STAT4: variants seen among roughly 807,000 people sequenced by gnomAD.
STAT4 encodes the protein signal transducer and activator of transcription 4.
In STAT4, 42 loss-of-function variants were observed where a neutral mutation model predicts 110.5. The observed-to-expected ratio is 0.38, with a 90% CI of 0.30 to 0.49. STAT4 has a LOEUF of 0.49. Among genes scored for constraint, STAT4 ranks in the 20% least tolerant of loss-of-function variants. STAT4 has a pLI of 0.95. For missense variants in STAT4, 632 were observed against 887.9 expected (o/e 0.71, Z 3.66); for synonymous variants, 284 against 302.2 (o/e 0.94, Z 0.63).
Position 191,061,869 on chromosome 2 carries a change from T to C in STAT4, c.942-48A>G, listed in dbSNP as rs750663813. On this transcript the variant is annotated intron_variant, in intron 9 of 23. Transcript: ENST00000392320. The surrounding 1 kb of genome is among the most constrained non-coding windows in gnomAD (Gnocchi z 6.2). ...GCATCATTTGAAAACACTGAAAATATTGAGACTGAAAACCACAGAGGAACA... is the reference window on the plus strand; with the variant it reads ...GCATCATTTGAAAACACTGAAAATACTGAGACTGAAAACCACAGAGGAACA... 3 of 1,564,036 alleles carry C rather than the reference T, an allele frequency of 1.9e-6. No individual in the cohort carries two copies. Among genetic ancestry groups the C allele is most frequent in the African/African-American group, 1.4e-5 (1 of 73,392 alleles).
rs1268299557 is a variant in STAT4 at position 191,147,177 on chromosome 2, G to A, written c.129-420C>T. ...TATATACCCAAAAGAATTAAAAGCA[G>A]GGACTCAAACAGATATTTGCATACC... On this transcript the variant is annotated intron_variant, in intron 2 of 23. Coordinates refer to ENST00000392320, the MANE Select transcript of STAT4 (RefSeq NM_003151.4). The surrounding 1 kb of genome is among the most constrained non-coding windows in gnomAD (Gnocchi z 4.1). Among the ~76,000 whole-genome samples, 1 of 152,098 alleles carries A rather than the reference G, an allele frequency of 6.6e-6. No individual in the cohort carries two copies. The highest frequency in any genetic ancestry group is 2.4e-5 in the African/African-American group (1 of 41,412).
chr2:191,081,174 T>C (rs1054820665), intron 3 of STAT4, among the ~76,000 whole-genome samples: 5 of 152,202 alleles, frequency 3.3e-5, no homozygotes, highest in African/African-American at 1.2e-4. Flanking sequence ...CATGAACTCA[T>C]CCTTTTTTAT....
chr2:191,120,391 C>T (rs558756961), intron 3 of STAT4, among the ~76,000 whole-genome samples: 9 of 152,004 alleles, frequency 5.9e-5, no homozygotes, highest in Non-Finnish European at 8.8e-5. Flanking sequence ...AGGCAACATA[C>T]GGAGACTCTG....
chr2:191,069,354 GATA>G (rs1305960135), intron 6 of STAT4, among the ~76,000 whole-genome samples: 2 of 151,936 alleles, frequency 1.3e-5, no homozygotes, highest in Non-Finnish European at 2.9e-5. Flanking sequence ...TTGTTTCTGT[GATA>G]ATTATATTTT....
intron 3 of STAT4, among the ~76,000 whole-genome samples, chr2:191,097,107 G>A (rs1011266042): frequency 2.0e-5 from 3 of 151,964 alleles, no homozygotes; most frequent in African/African-American, 4.8e-5. Context: ...ACCACTGCTC[G>A]ACGAAATAAA....
At position 191,140,608 on chromosome 2, in the gene STAT4, T is replaced by C. The variant is rs141446482; in HGVS notation, c.273+6005A>G. Among the ~76,000 whole-genome samples, 3 of 152,250 alleles carry C rather than the reference T, an allele frequency of 2.0e-5. No homozygotes were observed. The East Asian group carries it at 5.8e-4, about 29-fold the overall frequency. On this transcript the variant is annotated intron_variant, in intron 3 of 23. Transcript: ENST00000392320. The surrounding 1 kb of genome is among the most constrained non-coding windows in gnomAD (Gnocchi z 4.4). ...AAAAACCAATAGACGCTGGCATGGA[T>C]GTAGTGAAAAGGGAACACTGTTAGA...
rs989165680 is a variant in STAT4, at chr2:191,150,006, A to G, written c.-2+941T>C. On this transcript the variant is annotated intron_variant, in intron 1 of 23. Transcript: ENST00000392320. The surrounding 1 kb of genome is among the most constrained non-coding windows in gnomAD (Gnocchi z 6.4). ...GCTAAGAGGATTTTGAATGTTCACA[A>G]CACAAAGTAATGATAAATGTTTGAG... 2.0e-5 allele frequency among the ~76,000 whole-genome samples: 3 copies of G among 152,240 alleles called. No individual in the cohort carries two copies. The highest frequency in any genetic ancestry group is 6.5e-5 in the Admixed American group (1 of 15,294).
At chr2:191,072,101 A>G (rs1253719298) in intron 5 of STAT4, among the ~76,000 whole-genome samples, 3 of 152,162 alleles carry the variant, frequency 2.0e-5, no homozygotes, top group Non-Finnish European at 4.4e-5. Flanking sequence ...ATCCATGTAC[A>G]GGCCTGGTAA....
intron 3 of STAT4, among the ~76,000 whole-genome samples, chr2:191,094,930 A>AG (rs1412310463): frequency 1.3e-5 from 2 of 150,918 alleles, no homozygotes; most frequent in Non-Finnish European, 3.0e-5. Context: ...AAAAAAAAAA[A>AG]AAAAAAAAGT....
At chr2:191,084,029 T>A (rs1487101462) in intron 3 of STAT4, among the ~76,000 whole-genome samples, 2 of 152,000 alleles carry the variant, frequency 1.3e-5, no homozygotes, top group Non-Finnish European at 1.5e-5. Context: ...TTTGGGAGGC[T>A]GAGACAAGCA....
intron 3 of STAT4, among the ~76,000 whole-genome samples, chr2:191,094,253 T>G (rs1697894115): frequency 6.6e-6 from 1 of 152,044 alleles, no homozygotes; most frequent in Admixed American, 6.6e-5. Context: ...ACAAAGATAC[T>G]CCTTGAGAAG....
At chr2:191,065,166 C>G (rs1401308971) in intron 7 of STAT4, among the ~76,000 whole-genome samples, 1 of 152,164 alleles carries the variant, frequency 6.6e-6, no homozygotes, top group African/African-American at 2.4e-5. Context: ...AGAATGGCCA[C>G]AGTTTAACAT....
chr2:191,088,925 A>G (rs1697712584), intron 3 of STAT4, among the ~76,000 whole-genome samples: 1 of 152,212 alleles, frequency 6.6e-6, no homozygotes, highest in South Asian at 2.1e-4. Context: ...CCCACAAAAA[A>G]TAAGTGAAAT....
chr2:191,126,706 T>C (rs898880971), intron 3 of STAT4, among the ~76,000 whole-genome samples: 9 of 152,254 alleles, frequency 5.9e-5, no homozygotes, highest in African/African-American at 1.7e-4. Context: ...GGGGTTTCCA[T>C]GTCAGCTCCT....
rs538201857 is a variant in STAT4 at position 191,110,374 on chromosome 2, C to T, written c.274-34049G>A. Among the ~76,000 whole-genome samples, 4 of 152,172 alleles carry T rather than the reference C, an allele frequency of 2.6e-5. No homozygotes were observed. Among genetic ancestry groups the T allele is most frequent in the Non-Finnish European group, 5.9e-5 (4 of 68,034 alleles). The stretch of plus-strand genomic sequence containing the variant: ...GGGAGGAGCTAGCACTGGGGAATAA[C>T]ATTTGTAAATGTCTTCTATATGCCT... On this transcript the variant is annotated intron_variant, in intron 3 of 23. Coordinates refer to ENST00000392320, the MANE Select transcript of STAT4 (RefSeq NM_003151.4). The surrounding 1 kb of genome is among the most constrained non-coding windows in gnomAD (Gnocchi z 4.5).
At position 191,146,632 on chromosome 2, in the gene STAT4, CTTT is replaced by C; in HGVS notation, c.251_253del (p.Lys84del). 6.4e-7 allele frequency: 1 copy of C among 1,560,188 alleles called. No individual in the cohort carries two copies. Among genetic ancestry groups the C allele is most frequent in the Non-Finnish European group, 8.7e-7 (1 of 1,154,880 alleles). On this transcript the variant is annotated inframe_deletion, in exon 3 of 24. Coordinates refer to ENST00000392320, the MANE Select transcript of STAT4 (RefSeq NM_003151.4). The surrounding 1 kb of genome is among the most constrained non-coding windows in gnomAD (Gnocchi z 4.5). Reference sequence around the variant, plus strand: ...TCTTACCTGAAGGACCTTCCTAATTCTTTTTAGATTGTGTATCAAGAGTAGGTT... The same window carrying C: ...TCTTACCTGAAGGACCTTCCTAATTCTTAGATTGTGTATCAAGAGTAGGTT...
rs1437354872 is a variant in STAT4, at chr2:191,042,476, A to G, written c.1252-1328T>C. ...CTTAGATACTGATTTGAACAAACCA[A>G]CTGTCAAATGGCCTTTTTTGAGACA... On this transcript the variant is annotated intron_variant, in intron 14 of 23. Transcript: ENST00000392320. The surrounding 1 kb of genome is among the most constrained non-coding windows in gnomAD (Gnocchi z 4.2). Among the ~76,000 whole-genome samples the G allele has an allele frequency of 6.6e-6, 1 of 152,224 alleles. No homozygotes were observed. Among genetic ancestry groups the G allele is most frequent in the Non-Finnish European group, 1.5e-5 (1 of 68,046 alleles).
At chr2:191,049,048 A>G (rs529863176) in intron 14 of STAT4, among the ~76,000 whole-genome samples, 1 of 152,108 alleles carries the variant, frequency 6.6e-6, no homozygotes, top group South Asian at 2.1e-4. Context: ...CACTTGGAAA[A>G]AAAAAATACA....
rs1699474784 is a variant in STAT4, at chr2:191,146,831, T to C, written c.129-74A>G. On this transcript the variant is annotated intron_variant, in intron 2 of 23. Transcript: ENST00000392320. The surrounding 1 kb of genome is among the most constrained non-coding windows in gnomAD (Gnocchi z 4.5). ...GTCTACTTTTTTACCATACTAACTTTAAAACAATAAACCTATTACATGGTG... is the reference window on the plus strand; with the variant it reads ...GTCTACTTTTTTACCATACTAACTTCAAAACAATAAACCTATTACATGGTG... 1 of 1,368,254 alleles carries C rather than the reference T, an allele frequency of 7.3e-7. No homozygotes were observed. Among genetic ancestry groups the C allele is most frequent in the South Asian group, 1.8e-5 (1 of 55,612 alleles). 84.8% of individuals were successfully genotyped at this position (1,368,254 alleles called of 1,614,324 possible).
Sources: allele counts gnomAD v4.1 joint callset (sites outside exome capture counted in the v4.1 genomes callset), GRCh38; gene constraint gnomAD v4.1.1; non-coding constraint Gnocchi (gnomAD v3.1); transcripts MANE v1.5; gene names NCBI Gene and HGNC (gene_info 2026-07-23, HGNC 2026-07-21).